Variants in DYSF observed in about 807,000 individuals in gnomAD.
The protein encoded by DYSF is dystrophy-associated fer-1-like 1.
Under a neutral mutation model 274.9 loss-of-function variants are expected in DYSF, and 212 were observed. That is an observed-to-expected ratio of 0.77 (90% CI 0.69 to 0.86). The LOEUF (loss-of-function observed/expected upper bound fraction) is 0.86, where lower values mean the gene tolerates loss of function less well. DYSF is among the 40% of genes least tolerant of loss of function. The pLI is 0.00. For missense variants in DYSF, 2,666 were observed against 2,783.2 expected (o/e 0.96, Z 0.95); for synonymous variants, 1,091 against 1,078.7 (o/e 1.01, Z -0.22).
intron 1 of DYSF, among the ~76,000 whole-genome samples, chr2:71,476,204 A>G (rs994035086): frequency 6.6e-6 from 1 of 152,172 alleles, no homozygotes; most frequent in African/African-American, 2.4e-5. Flanking sequence ...GGACATTTGT[A>G]CTGATGGTAC....
At chr2:71,590,539 G>A (rs1047968410) in intron 32 of DYSF, among the ~76,000 whole-genome samples, 3 of 152,070 alleles carry the variant, frequency 2.0e-5, no homozygotes, top group Admixed American at 6.5e-5. Context: ...GGCTCTAGCC[G>A]CCAGTCTCTG....
At position 71,510,315 on chromosome 2, in the gene DYSF, C is replaced by T. The variant is rs1356304885; in HGVS notation, c.346-1492C>T. ...TGGCATCTCTAGGAGTCAGGTGTGG[C>T]ATCTGGGCGGAGGGGAGGACTTTCT... On this transcript the variant is annotated intron_variant, in intron 4 of 55. Coordinates refer to ENST00000410020, the MANE Select transcript of DYSF (RefSeq NM_001130987.2). Among the ~76,000 whole-genome samples, 3 of 152,168 alleles carry T rather than the reference C, an allele frequency of 2.0e-5. No homozygotes were observed. In the East Asian group the frequency reaches 5.8e-4, roughly 29 times the overall value.
chr2:71,562,053 T>A, intron 23 of DYSF, 109 bp downstream of exon 23: 1 of 1,447,570 alleles, frequency 6.9e-7, no homozygotes. Flanking sequence ...CCGGTTCCAT[T>A]GCTGGGTGAC....
chr2:71,607,657 G>A (rs2093670834), intron 36 of DYSF, among the ~76,000 whole-genome samples: 1 of 152,168 alleles, frequency 6.6e-6, no homozygotes, highest in Non-Finnish European at 1.5e-5. Context: ...GGGTGGGCGG[G>A]CGTGAGAGAT....
Position 71,643,953 on chromosome 2 carries a change from C to A in DYSF, c.4528-12C>A. The A allele has an allele frequency of 3.1e-6, 5 of 1,599,132 alleles. No homozygotes were observed. Among genetic ancestry groups the A allele is most frequent in the Non-Finnish European group, 4.3e-6 (5 of 1,170,352 alleles). On this transcript the variant is annotated splice_polypyrimidine_tract_variant and intron_variant, in intron 41 of 55. Transcript: ENST00000410020. ...TGTTTCTGAAATGGTCTCTTTCTTT[C>A]TACCCACTCAGGAGGAAGAGTTCAT...
At chr2:71,629,560 A>G (rs1242298612) in intron 41 of DYSF, among the ~76,000 whole-genome samples, 3 of 152,208 alleles carry the variant, frequency 2.0e-5, no homozygotes, top group Admixed American at 6.5e-5. Flanking sequence ...TAGAGAGGAT[A>G]TGTGTTTACT....
At chr2:71,627,292 A>G (rs2094224220) in intron 41 of DYSF, among the ~76,000 whole-genome samples, 1 of 151,738 alleles carries the variant, frequency 6.6e-6, no homozygotes, top group African/African-American at 2.4e-5. Flanking sequence ...TATTTTTGTT[A>G]TTTCCCATTC....
intron 34 of DYSF, chr2:71,601,298 A>ACTATT: frequency 1.4e-6 from 1 of 694,502 alleles, no homozygotes; most frequent in East Asian, 2.7e-5. Context: ...GAATAAGTAG[A>ACTATT]CTGAATAGGA....
At chr2:71,509,577 G>A (rs748967209) in intron 4 of DYSF, among the ~76,000 whole-genome samples, 11 of 152,114 alleles carry the variant, frequency 7.2e-5, no homozygotes, top group East Asian at 3.9e-4. Flanking sequence ...TTGGCATTTC[G>A]TGGTCAGGAA....
chr2:71,507,066 G>C (rs1043557789), intron 4 of DYSF, among the ~76,000 whole-genome samples: 1 of 152,122 alleles, frequency 6.6e-6, no homozygotes, highest in Non-Finnish European at 1.5e-5. Context: ...CTCTGGAGAG[G>C]GCTGCTCCTG....
intron 1 of DYSF, among the ~76,000 whole-genome samples, chr2:71,474,819 G>A (rs534193499): frequency 2.0e-5 from 3 of 152,248 alleles, no homozygotes; most frequent in East Asian, 3.9e-4. Flanking sequence ...CACAGATATC[G>A]CTCAGTTAAG....
In DYSF at chr2:71,658,940, C is replaced by T. The variant is rs1230790473; in HGVS notation, c.4818C>T (p.Phe1606=). 4 of 1,614,196 alleles carry T rather than the reference C, an allele frequency of 2.5e-6. No individual in the cohort carries two copies. The African/African-American group carries it at 5.3e-5, about 22-fold the overall frequency. The change falls in exon 44 of 56, where the codon TTC becomes TTT. Residue 1606 remains phenylalanine (F), a synonymous_variant. Transcript: ENST00000410020. ...DPAIPMPPRQ[F]HQLAAQGPQE... ...CCATCCCCATGCCCCCAAGACAGTT[C>T]CACCAGCTGGCCGCCCAGGGACCCC...
chr2:71,642,131 C>T (rs546708888), intron 41 of DYSF, among the ~76,000 whole-genome samples: 2 of 152,300 alleles, frequency 1.3e-5, no homozygotes, highest in East Asian at 3.9e-4. Context: ...ACAGAACTCA[C>T]TGGTTGGTTG....
At chr2:71,477,884 A>G (rs2082522802) in intron 1 of DYSF, among the ~76,000 whole-genome samples, 1 of 152,182 alleles carries the variant, frequency 6.6e-6, no homozygotes, top group Non-Finnish European at 1.5e-5. Flanking sequence ...TCCCTTTCCA[A>G]CTACATATCT....
chr2:71,551,756 G>A (rs540032318), intron 19 of DYSF, 36 bp downstream of exon 19: 20 of 1,548,910 alleles, frequency 1.3e-5, no homozygotes, highest in South Asian at 3.5e-5. Context: ...GCTGGGCGTC[G>A]GGGCAGGGAA....
chr2:71,655,429 T>C (rs114813227), intron 42 of DYSF, among the ~76,000 whole-genome samples: 1 of 152,202 alleles, frequency 6.6e-6, no homozygotes, highest in Admixed American at 6.5e-5. Flanking sequence ...ATATGACGAA[T>C]TTAGCATGTA....
rs1159294834 is a variant in DYSF at position 71,582,106 on chromosome 2, CAAAAAAAAAAA to C, written c.3403-7470_3403-7460del. Among the ~76,000 whole-genome samples, 256 of 35,128 alleles carry C rather than the reference CAAAAAAAAAAA, an allele frequency of 7.3e-3. 2 individuals carry two copies. The highest frequency in any genetic ancestry group is 0.053 in the Middle Eastern group (2 of 38). The allele number at this position is 35,128 out of a possible 152,430, so 23.0% of individuals were successfully genotyped here. On this transcript the variant is annotated intron_variant, in intron 30 of 55. Coordinates refer to ENST00000410020, the MANE Select transcript of DYSF (RefSeq NM_001130987.2). ...TGGGAGACAGAAGGAGACTCCGTCT[CAAAAAAAAAAA>C]AAAAAAAAAAAAAAAAGGCTTTATT... is the stretch of plus-strand genomic sequence containing the variant.
At chr2:71,572,008 A>T (rs2092505625) in intron 29 of DYSF, among the ~76,000 whole-genome samples, 1 of 146,854 alleles carries the variant, frequency 6.8e-6, no homozygotes, top group African/African-American at 2.5e-5. Flanking sequence ...AGCACAGATC[A>T]CACTCAGCAC....
rs1016070128 is a variant in DYSF at position 71,625,204 on chromosome 2, T to A, written c.4527+4595T>A. ...TCTGAAATTCCTATTATATGTATTC[T>A]AGATATCTTGGGTTATCACTTTATC... On this transcript the variant is annotated intron_variant, in intron 41 of 55. Transcript: ENST00000410020. Among the ~76,000 whole-genome samples, 13 of 152,276 alleles carry A rather than the reference T, an allele frequency of 8.5e-5. No individual in the cohort carries two copies. The South Asian group carries it at 1.9e-3, about 22-fold the overall frequency.
Sources: gnomAD v4.1 joint callset for allele counts (sites outside exome capture counted in the v4.1 genomes callset) on GRCh38, gnomAD v4.1.1 for gene constraint, MANE v1.5 for transcripts, NCBI Gene and HGNC (gene_info 2026-07-23, HGNC 2026-07-21) for gene names.